GYG2: variants seen among roughly 807,000 people sequenced by gnomAD.
GYG2 encodes glycogenin-2.
GYG2 carries 29 observed loss-of-function variants against 29.4 expected under a neutral mutation model. The observed-to-expected ratio is 0.99, with a 90% CI of 0.74 to 1.35. The LOEUF is 1.35. GYG2 is among the 40% of genes most tolerant of loss of function. The pLI is 0.00. For synonymous variants in GYG2, 167 were observed against 172.3 expected (o/e 0.97, Z 0.24); for missense variants, 370 against 385.7 (o/e 0.96, Z 0.34).
intron 3 of GYG2, among the ~76,000 whole-genome samples, chrX:2,845,788 T>TAC (rs1254838484): frequency 9.6e-6 from 1 of 104,237 alleles, no homozygotes; most frequent in Non-Finnish European, 2.0e-5. Flanking sequence ...TGTATATATA[T>TAC]ACATGTGTAT....
Position 2,855,106 on chromosome X carries a change from C to G in GYG2, c.438C>G (p.His146Gln). Residue 146 changes from histidine to glutamine, a missense_variant, in exon 5 of 11, where the codon CAC becomes CAG. His to Gln is a conservative substitution (Grantham distance 24). Coordinates refer to ENST00000398806, the MANE Select transcript of GYG2 (RefSeq NM_001079855.2). ...TGTTTGTCTTCCAGCCTTCTCTCCA[C>G]ACGCATAAACTCCTGCTACAGCACG... ...SGVFVFQPSL[H>Q]THKLLLQHAM... 1.7e-6 allele frequency: 2 copies of G among 1,211,377 alleles called. No homozygotes were observed. The highest frequency in any genetic ancestry group is 2.2e-6 in the Non-Finnish European group (2 of 895,076).
At chrX:2,859,698 T>C in intron 6 of GYG2, 145 bp from the exon 7 acceptor site, 1 of 443,831 alleles carries the variant, frequency 2.3e-6, no homozygotes. Context: ...AGTAGTATCA[T>C]CAGTAATAAT....
intron 9 of GYG2, among the ~76,000 whole-genome samples, chrX:2,876,218 A>C (rs746797538): frequency 1.0e-4 from 11 of 110,313 alleles, no homozygotes; most frequent in Admixed American, 1.9e-4. Context: ...AAAAATTAAT[A>C]AGAAAAAGAT....
rs184985434 is a variant in GYG2, at chrX:2,854,082, C to T, written c.252C>T (p.Leu84=). The T allele has an allele frequency of 7.5e-5, 90 of 1,203,995 alleles. No homozygotes were observed. The East Asian group carries it at 1.7e-3, about 23-fold the overall frequency. Residue 84 remains leucine, a synonymous_variant, in exon 4 of 11, where the codon CTC becomes CTT. Transcript: ENST00000398806. ...LAFLKRPELG[L]TLTKLHCWTL... ...TTCTGAAGAGACCTGAGCTCGGGCT[C>T]ACCCTCACCAAGCTTCACTGTTGGA...
At position 2,877,205 on chromosome X, in the gene GYG2, A is replaced by G. The variant is rs1414834346; in HGVS notation, c.1149A>G (p.Pro383=). The change falls in exon 10 of 11, where the codon CCA becomes CCG. Residue 383 remains proline, a synonymous_variant. Transcript: ENST00000398806. ...ATGGAATGGTTATGTTTTAGCAGCC[A>G]GCAAATAAAGTCGAAAGTGTCTCAT... The part of the protein sequence containing the change: ...DFTETETILQ[P]ANKVESVSSE... 4 of 1,207,807 alleles carry G rather than the reference A, an allele frequency of 3.3e-6. No individual in the cohort carries two copies. The highest frequency in any genetic ancestry group is 4.5e-6 in the Non-Finnish European group (4 of 892,166).
At chrX:2,877,567 G>T (rs1569076737) in intron 10 of GYG2, 2 of 925,839 alleles carry the variant, frequency 2.2e-6, no homozygotes, top group Non-Finnish European at 1.3e-6. Flanking sequence ...TTCTGCAGAA[G>T]GGATCAGGAG....
In GYG2 at chrX:2,874,453, AG is replaced by A. The variant is rs768300639; in HGVS notation, c.1039-1355del. Among the ~76,000 whole-genome samples the A allele has an allele frequency of 4.5e-4, 51 of 112,665 alleles. 1 individual carries two copies. Among genetic ancestry groups the A allele is most frequent in the Non-Finnish European group, 8.8e-4 (47 of 53,347 alleles). Reference sequence around the variant, plus strand: ...CTAGGAGTGTCTCCCCCTTTAGACCAGGTGAGGTCTCTTGATAACATTTTCT... The same window carrying A: ...CTAGGAGTGTCTCCCCCTTTAGACCAGTGAGGTCTCTTGATAACATTTTCT... On this transcript the variant is annotated intron_variant, in intron 8 of 10. Transcript: ENST00000398806.
chrX:2,871,981 C>G, intron 8 of GYG2, among the ~76,000 whole-genome samples: 1 of 112,051 alleles, frequency 8.9e-6, no homozygotes, highest in Non-Finnish European at 1.9e-5. Flanking sequence ...GGATTGTGTA[C>G]TGGAACATTC....
At chrX:2,875,767 C>T (rs370133310) in intron 8 of GYG2, 43 bp from the exon 9 acceptor site, 10 of 861,181 alleles carry the variant, frequency 1.2e-5, no homozygotes, top group South Asian at 4.2e-5. Flanking sequence ...TTTATTTGCA[C>T]GAAGGTTTGA....
intron 3 of GYG2, among the ~76,000 whole-genome samples, chrX:2,845,986 T>C (rs1409070523): frequency 1.2e-5 from 1 of 83,058 alleles, no homozygotes; most frequent in Non-Finnish European, 2.3e-5. Flanking sequence ...AAAAAATATA[T>C]ACATATATGT....
intron 3 of GYG2, among the ~76,000 whole-genome samples, chrX:2,845,008 T>C (rs765701815): frequency 9.8e-6 from 1 of 102,511 alleles, no homozygotes; most frequent in East Asian, 3.0e-4. Flanking sequence ...AATATATTTA[T>C]ATACACATGT....
chrX:2,860,795 T>A (rs1239031751), intron 7 of GYG2, among the ~76,000 whole-genome samples: 1 of 110,884 alleles, frequency 9.0e-6, no homozygotes, highest in Non-Finnish European at 1.9e-5. Flanking sequence ...AGTGACATGA[T>A]CTCGGCTCAC....
chrX:2,881,545 G>GC lies in GYG2; in HGVS notation c.*333dup. 1 of 184,109 alleles carries GC rather than the reference G, an allele frequency of 5.4e-6. No homozygotes were observed. The highest frequency in any genetic ancestry group is 1.0e-5 in the Non-Finnish European group (1 of 100,426). 15.2% of individuals were successfully genotyped at this position (184,109 alleles called of 1,213,427 possible). On this transcript the variant is annotated 3_prime_UTR_variant, in exon 11 of 11. Transcript: ENST00000398806. ...CTTGCCCGAAGGACCTCTGAAGTACGCTGGAGCTGTGTTGTACAGGTGCTG... is the reference window on the plus strand; with the variant it reads ...CTTGCCCGAAGGACCTCTGAAGTACGCCTGGAGCTGTGTTGTACAGGTGCTG...
intron 8 of GYG2, among the ~76,000 whole-genome samples, chrX:2,871,554 G>A (rs1175412499): frequency 1.8e-5 from 2 of 110,417 alleles, no homozygotes; most frequent in Non-Finnish European, 3.8e-5. Flanking sequence ...GCTAGGCATG[G>A]TGGCACGTGC....
At chrX:2,836,258 G>A (rs769855204) in intron 2 of GYG2, among the ~76,000 whole-genome samples, 74 of 111,413 alleles carry the variant, frequency 6.6e-4, no homozygotes, top group African/African-American at 2.3e-3. Context: ...GGGAGAAAAT[G>A]TGGTTTTTAA....
chrX:2,853,845 C>T (rs757100263), intron 3 of GYG2, 135 bp from the exon 4 acceptor site: 2 of 475,288 alleles, frequency 4.2e-6, no homozygotes, highest in African/African-American at 4.7e-5. Context: ...AACATGGAGA[C>T]CGCAGTGAGG....
At position 2,830,187 on chromosome X, in the gene GYG2, C is replaced by T; in HGVS notation, c.-2C>T. The T allele has an allele frequency of 8.3e-7, 1 of 1,207,510 alleles. No individual in the cohort carries two copies. Among genetic ancestry groups the T allele is most frequent in the Non-Finnish European group, 1.1e-6 (1 of 891,318 alleles). On this transcript the variant is annotated 5_prime_UTR_variant, in exon 2 of 11. Coordinates refer to ENST00000398806, the MANE Select transcript of GYG2 (RefSeq NM_001079855.2). ...CGCCCACTGCCCGCGGCGCCACTGA[C>T]CATGTCGGGTGAGTAGCTCAAGCTG...
At chrX:2,869,374 T>A (rs922264856) in intron 8 of GYG2, among the ~76,000 whole-genome samples, 1 of 110,867 alleles carries the variant, frequency 9.0e-6, no homozygotes, top group African/African-American at 3.3e-5. Context: ...CTGGAACCAA[T>A]CCTCCATGGA....
chrX:2,856,788 CATCT>C (rs769044627), intron 6 of GYG2, among the ~76,000 whole-genome samples, 164 bp downstream of exon 6: 16 of 69,272 alleles, frequency 2.3e-4, no homozygotes, highest in East Asian at 1.6e-3. Context: ...ATCTATCTAT[CATCT>C]ATCTATCATC....
Sources: allele counts gnomAD v4.1 joint callset (sites outside exome capture counted in the v4.1 genomes callset), GRCh38; gene constraint gnomAD v4.1.1; transcripts MANE v1.5; gene names NCBI Gene and HGNC (gene_info 2026-07-23, HGNC 2026-07-21).